The following ENDOD1 variants were observed in gnomAD, a reference collection of about 807,000 sequenced individuals.
ENDOD1 encodes endonuclease domain containing 1, also known as endonuclease domain-containing 1 protein.
ENDOD1 carries 9 observed loss-of-function variants against 6.5 expected under a neutral mutation model. That is an observed-to-expected ratio of 1.39 (90% CI 0.84 to 2.43). The LOEUF (loss-of-function observed/expected upper bound fraction) is 2.43, where lower values mean the gene tolerates loss of function less well. Ranked by LOEUF, ENDOD1 falls within the 30% of genes most tolerant of loss-of-function variation. ENDOD1 has a pLI of 0.00. For synonymous variants in ENDOD1, 255 were observed against 255.2 expected (o/e 1.00, Z 0.01); for missense variants, 648 against 635.5 (o/e 1.02, Z -0.21).
At position 95,113,764 on chromosome 11, in the gene ENDOD1, C is replaced by T. The variant is rs149885992; in HGVS notation, c.301-14613C>T. Among the ~76,000 whole-genome samples the T allele has an allele frequency of 4.6e-5, 7 of 152,284 alleles. No homozygotes were observed. In the East Asian group the frequency reaches 1.2e-3, roughly 25 times the overall value. On this transcript the variant is annotated intron_variant, in intron 1 of 1. Transcript: ENST00000278505. ...ATTTTCTTTCTTTGGGGTATATACT[C>T]AGAAGTGGAATTGCTGCGTCATATT...
At chr11:95,115,827 C>T (rs527937897) in intron 1 of ENDOD1, among the ~76,000 whole-genome samples, 49 of 152,184 alleles carry the variant, frequency 3.2e-4, no homozygotes, top group Admixed American at 2.0e-3. Flanking sequence ...CCTTGCATCC[C>T]GGGAATAAAT....
intron 1 of ENDOD1, among the ~76,000 whole-genome samples, chr11:95,108,846 C>G (rs1227746599): frequency 6.6e-6 from 1 of 152,140 alleles, no homozygotes; most frequent in Non-Finnish European, 1.5e-5. Flanking sequence ...TGAGTTCATC[C>G]TACTGTGTGT....
intron 1 of ENDOD1, among the ~76,000 whole-genome samples, chr11:95,124,603 A>G (rs1170827487): frequency 6.6e-6 from 1 of 152,196 alleles, no homozygotes. Flanking sequence ...TGGAAGGCCC[A>G]GGGCAGGGGG....
chr11:95,110,226 C>G (rs142492261), intron 1 of ENDOD1, among the ~76,000 whole-genome samples: 1 of 152,212 alleles, frequency 6.6e-6, no homozygotes, highest in East Asian at 1.9e-4. Flanking sequence ...CCAACACCAG[C>G]CCTCATCTGC....
chr11:95,089,887 C>G lies in ENDOD1; in HGVS notation c.-41C>G, dbSNP rs1210956623. 6 of 1,296,220 alleles carry G rather than the reference C, an allele frequency of 4.6e-6. No homozygotes were observed. The African/African-American group carries it at 9.4e-5, about 20-fold the overall frequency. The allele number at this position is 1,296,220 out of a possible 1,614,324, so 80.3% of individuals were successfully genotyped here. On this transcript the variant is annotated 5_prime_UTR_variant, in exon 1 of 2. Coordinates refer to ENST00000278505, the MANE Select transcript of ENDOD1 (RefSeq NM_015036.3). ...CCAGCCTGCAGAGCTCGCGCCGCGG[C>G]AGCCCAGCCGCTCGGCCCCGCCGCG...
chr11:95,090,082 A>C lies in ENDOD1; in HGVS notation c.155A>C (p.His52Pro). 6.2e-7 allele frequency: 1 copy of C among 1,601,282 alleles called. No homozygotes were observed. Among genetic ancestry groups the C allele is most frequent in the East Asian group, 2.3e-5 (1 of 43,764 alleles). ...CCTGCGGGGCTGGCGGCCGATTCCCACGTGAAGATCTGTCAGCGCGCGGAG... is the reference window on the plus strand; with the variant it reads ...CCTGCGGGGCTGGCGGCCGATTCCCCCGTGAAGATCTGTCAGCGCGCGGAG... ...TPPAGLAADS[H>P]VKICQRAEGA... Residue 52 changes from histidine (H) to proline (P), a missense_variant, in exon 1 of 2, where the codon CAC becomes CCC. Physicochemically the swap from His to Pro is moderately conservative, Grantham distance 77 (BLOSUM62 -2). Coordinates refer to ENST00000278505, the MANE Select transcript of ENDOD1 (RefSeq NM_015036.3).
At chr11:95,122,142 T>A (rs1465617465) in intron 1 of ENDOD1, among the ~76,000 whole-genome samples, 1 of 152,196 alleles carries the variant, frequency 6.6e-6, no homozygotes, top group Admixed American at 6.5e-5. Flanking sequence ...GAAAAATACA[T>A]CTACTCTTTA....
chr11:95,114,985 A>G (rs570888047), intron 1 of ENDOD1, among the ~76,000 whole-genome samples: 7 of 152,154 alleles, frequency 4.6e-5, no homozygotes, highest in African/African-American at 9.6e-5. Flanking sequence ...TGGGTCTTCT[A>G]TGGTTCCATA....
chr11:95,098,640 A>G (rs1203768855), intron 1 of ENDOD1, among the ~76,000 whole-genome samples: 1 of 152,006 alleles, frequency 6.6e-6, no homozygotes, highest in Non-Finnish European at 1.5e-5. Context: ...CCTTCAAGTA[A>G]GTACAGTCTA....
intron 1 of ENDOD1, among the ~76,000 whole-genome samples, chr11:95,114,444 T>G (rs564813615): frequency 6.6e-6 from 1 of 152,352 alleles, no homozygotes; most frequent in South Asian, 2.1e-4. Context: ...TATCCCATAC[T>G]GTGGGTTGTC....
At chr11:95,126,784 G>A (rs377722812) in intron 1 of ENDOD1, among the ~76,000 whole-genome samples, 26 of 152,244 alleles carry the variant, frequency 1.7e-4, no homozygotes, top group East Asian at 1.5e-3. Context: ...AGGCTCAAGC[G>A]ATTCTGCCAC....
intron 1 of ENDOD1, among the ~76,000 whole-genome samples, chr11:95,127,157 C>T (rs1859319756): frequency 6.6e-6 from 1 of 152,180 alleles, no homozygotes; most frequent in Non-Finnish European, 1.5e-5. Flanking sequence ...ATGTGTCAGG[C>T]CTTGGGCTGG....
chr11:95,093,558 G>A (rs1265803284), intron 1 of ENDOD1, among the ~76,000 whole-genome samples: 2 of 152,180 alleles, frequency 1.3e-5, no homozygotes, highest in Non-Finnish European at 2.9e-5. Flanking sequence ...ATCTGCTTAT[G>A]TATCTGTCTC....
intron 1 of ENDOD1, among the ~76,000 whole-genome samples, chr11:95,125,380 A>T (rs1565449128): frequency 6.6e-6 from 1 of 152,176 alleles, no homozygotes; most frequent in Non-Finnish European, 1.5e-5. Context: ...TTTCCTTGGG[A>T]TGTATCTTTC....
chr11:95,090,007 A>G lies in ENDOD1; in HGVS notation c.80A>G (p.Glu27Gly), dbSNP rs1380791028. The G allele has an allele frequency of 3.2e-6, 5 of 1,573,028 alleles. No homozygotes were observed. Among genetic ancestry groups the G allele is most frequent in the Non-Finnish European group, 4.3e-6 (5 of 1,161,936 alleles). Residue 27 changes from glutamate to glycine, a missense_variant, in exon 1 of 2, where the codon GAG becomes GGG. Transcript: ENST00000278505. The stretch of plus-strand genomic sequence containing the variant: ...CTGGAAGGCCGGCTCGTGGGCGAGG[A>G]GGAAGCCGGCTTTGGCGAATGTGAC... ...GLLEGRLVGE[E>G]EAGFGECDKF...
intron 1 of ENDOD1, among the ~76,000 whole-genome samples, chr11:95,115,653 G>C (rs1309810010): frequency 6.6e-6 from 1 of 151,816 alleles, no homozygotes; most frequent in Non-Finnish European, 1.5e-5. Flanking sequence ...TATATGTTGA[G>C]GTATGTTCCT....
In ENDOD1 at chr11:95,128,592, A is replaced by G; in HGVS notation, c.516A>G (p.Glu172=). 6.2e-7 allele frequency: 1 copy of G among 1,614,252 alleles called. No homozygotes were observed. The highest frequency in any genetic ancestry group is 8.5e-7 in the Non-Finnish European group (1 of 1,180,048). Residue 172 remains glutamate (E), a synonymous_variant, in exon 2 of 2, where the codon GAA becomes GAG. Transcript: ENST00000278505. ...CCCCAATGACTCAGTCCTTCCAGGA[A>G]CGGTGGTATGTGAATCTCCACAGCC... The part of the protein sequence containing the change: ...NSAPMTQSFQ[E]RWYVNLHSLM...
chr11:95,129,191 T>C lies in ENDOD1; in HGVS notation c.1115T>C (p.Ile372Thr), dbSNP rs754879387. 49 of 1,614,086 alleles carry C rather than the reference T, an allele frequency of 3.0e-5. No individual in the cohort carries two copies. The highest frequency in any genetic ancestry group is 4.1e-5 in the Non-Finnish European group (48 of 1,180,040). Residue 372 changes from isoleucine to threonine, a missense_variant, in exon 2 of 2, where the codon ATA becomes ACA. Ile to Thr is a moderately conservative substitution (Grantham distance 89). Transcript: ENST00000278505. ...GTTACCAAGCAGGTGATTAATGGCA[T>C]AGAAAGTTGCCTTTACCGCCTGGGC... is the stretch of plus-strand genomic sequence containing the variant. ...WCVTKQVING[I>T]ESCLYRLGSA...
intron 1 of ENDOD1, among the ~76,000 whole-genome samples, chr11:95,091,157 C>A (rs1417120135): frequency 6.6e-6 from 1 of 152,156 alleles, no homozygotes; most frequent in Non-Finnish European, 1.5e-5. Flanking sequence ...CTCTAGAACA[C>A]CCTGCCAGAC....
Sources: allele counts gnomAD v4.1 joint callset (sites outside exome capture counted in the v4.1 genomes callset), GRCh38; gene constraint gnomAD v4.1.1; transcripts MANE v1.5; gene names NCBI Gene and HGNC (gene_info 2026-07-23, HGNC 2026-07-21).